The following FLT1 variants were observed in gnomAD, a reference collection of about 807,000 sequenced individuals.
The protein encoded by FLT1 is vascular endothelial growth factor receptor 1.
In FLT1, 49 loss-of-function variants were observed where a neutral mutation model predicts 156.3. That is an observed-to-expected ratio of 0.31 (90% CI 0.25 to 0.40). The LOEUF (loss-of-function observed/expected upper bound fraction) is 0.40, where lower values mean the gene tolerates loss of function less well. Ranked by LOEUF, FLT1 falls within the 10% of genes least tolerant of loss-of-function variation. FLT1 has a pLI of 1.00. For synonymous variants in FLT1, 594 were observed against 583.8 expected, an observed-to-expected ratio of 1.02 and a Z score of -0.25; for missense variants, 1,322 against 1,637.2, an observed-to-expected ratio of 0.81 and a Z score of 3.32.
chr13:28,484,321 G>C (rs368302309), intron 1 of FLT1, among the ~76,000 whole-genome samples: 1 of 152,212 alleles, frequency 6.6e-6, no homozygotes, highest in African/African-American at 2.4e-5. Context: ...ATCTGTGAGA[G>C]GGCAGTCCCA....
At chr13:28,419,754 C>T (rs1254621232) in intron 10 of FLT1, among the ~76,000 whole-genome samples, 1 of 152,226 alleles carries the variant, frequency 6.6e-6, no homozygotes, top group African/African-American at 2.4e-5. Context: ...TGGCACGCGC[C>T]TGTAGTCCCA....
chr13:28,382,216 T>C (rs992327796), intron 14 of FLT1, among the ~76,000 whole-genome samples: 1 of 152,078 alleles, frequency 6.6e-6, no homozygotes, highest in East Asian at 1.9e-4. Flanking sequence ...TAAGGCCTAG[T>C]TGGAGAGAGA....
intron 29 of FLT1, among the ~76,000 whole-genome samples, chr13:28,306,169 T>A (rs1870740471): frequency 6.6e-6 from 1 of 152,180 alleles, no homozygotes; most frequent in Non-Finnish European, 1.5e-5. Context: ...GCTGGTGGAC[T>A]ACAAGCCAGG....
intron 14 of FLT1, among the ~76,000 whole-genome samples, chr13:28,364,952 T>G (rs1873236761): frequency 6.6e-6 from 1 of 152,192 alleles, no homozygotes; most frequent in Non-Finnish European, 1.5e-5. Context: ...TACTTCAGAT[T>G]TTGCTTGTCA....
chr13:28,401,743 GGGGTGTGTGT>G (rs1875451193), intron 11 of FLT1, among the ~76,000 whole-genome samples: 1 of 152,154 alleles, frequency 6.6e-6, no homozygotes, highest in Non-Finnish European at 1.5e-5. Context: ...AGAAAAAATT[GGGGTGTGTGT>G]GGGAACTGAA....
chr13:28,452,023 A>G (rs1232410311), intron 3 of FLT1, among the ~76,000 whole-genome samples: 1 of 152,180 alleles, frequency 6.6e-6, no homozygotes, highest in Non-Finnish European at 1.5e-5. Context: ...AAAGATAAGT[A>G]GGAAATGAAA....
At chr13:28,381,778 A>C (rs947229771) in intron 14 of FLT1, among the ~76,000 whole-genome samples, 2 of 152,262 alleles carry the variant, frequency 1.3e-5, no homozygotes, top group East Asian at 3.9e-4. Flanking sequence ...TGTTAGACTA[A>C]AGATACTCTA....
chr13:28,372,017 T>C (rs543058159), intron 14 of FLT1, among the ~76,000 whole-genome samples: 62 of 127,342 alleles, frequency 4.9e-4, no homozygotes, highest in African/African-American at 1.7e-3. Context: ...GAATAAATCA[T>C]TGGTGTGTGT....
At chr13:28,478,211 C>T (rs1235650849) in intron 1 of FLT1, among the ~76,000 whole-genome samples, 1 of 152,168 alleles carries the variant, frequency 6.6e-6, no homozygotes, top group Non-Finnish European at 1.5e-5. Context: ...CCAAAGGCAT[C>T]CTCCGTGTTC....
chr13:28,318,996 T>C (rs1439769115), intron 24 of FLT1, among the ~76,000 whole-genome samples: 3 of 152,212 alleles, frequency 2.0e-5, no homozygotes, highest in Non-Finnish European at 1.5e-5. Flanking sequence ...AACACCTTCC[T>C]CGCTGGGGCA....
At chr13:28,372,076 ATTTTTTTTT>A (rs56114428) in intron 14 of FLT1, among the ~76,000 whole-genome samples, 3 of 11,760 alleles carry the variant, frequency 2.6e-4, no homozygotes, top group Admixed American at 8.3e-4. Flanking sequence ...ATATATATAT[ATTTTTTTTT>A]TTTTTTTTTT....
intron 10 of FLT1, among the ~76,000 whole-genome samples, chr13:28,417,456 G>A (rs534889626): frequency 1.2e-3 from 187 of 152,150 alleles, no homozygotes; most frequent in African/African-American, 3.6e-3. Flanking sequence ...ACCCATGGTC[G>A]GCTCGTTTGG....
At chr13:28,427,973 A>C in intron 8 of FLT1, 52 bp from the exon 9 acceptor site, 2 of 1,470,172 alleles carry the variant, frequency 1.4e-6, no homozygotes, top group Middle Eastern at 1.7e-4. Flanking sequence ...TCTCAATATC[A>C]CTTTGATAAC....
In FLT1 at chr13:28,467,093, C is replaced by G. The variant is rs1314880424; in HGVS notation, c.198G>C (p.Met66Ile). The G allele has an allele frequency of 1.2e-6, 2 of 1,614,026 alleles. No homozygotes were observed. Among genetic ancestry groups the G allele is most frequent in the South Asian group, 1.1e-5 (1 of 91,074 alleles). Residue 66 changes from methionine to isoleucine, a missense_variant, in exon 3 of 30, where the codon ATG becomes ATC. Around this residue, in one of 3 missense-constraint regions of FLT1, gnomAD observed 991 missense variants for 1,254.8 expected, o/e 0.79. Transcript: ENST00000282397. ...TCAGCCTTTCGCTTTCCTTACTCAC[C>G]ATTTCAGGCAAAGACCATTTATGGG... ...EAAHKWSLPE[M>I]VSKESERLSI...
chr13:28,303,351 T>C lies in FLT1; in HGVS notation c.3833A>G (p.Lys1278Arg). Residue 1278 changes from lysine to arginine, a missense_variant, in exon 30 of 30, where the codon AAA becomes AGA. Around this residue, in one of 3 missense-constraint regions of FLT1, gnomAD observed 329 missense variants for 366.2 expected, o/e 0.90. Coordinates refer to ENST00000282397, the MANE Select transcript of FLT1 (RefSeq NM_002019.4). ...SLKIDLRVTS[K>R]SKESGLSDVS... ...ATCAGACAGCCCCGACTCCTTACTTTTACTGGTTACTCTCAAGCTAAAGAA... is the reference window on the plus strand; with the variant it reads ...ATCAGACAGCCCCGACTCCTTACTTCTACTGGTTACTCTCAAGCTAAAGAA... 1.2e-6 allele frequency: 2 copies of C among 1,614,028 alleles called. No homozygotes were observed. Among genetic ancestry groups the C allele is most frequent in the Non-Finnish European group, 1.7e-6 (2 of 1,179,978 alleles).
intron 1 of FLT1, among the ~76,000 whole-genome samples, chr13:28,493,223 T>G (rs1218845522): frequency 6.6e-6 from 1 of 152,238 alleles, no homozygotes; most frequent in Admixed American, 6.5e-5. Flanking sequence ...TACATAATAG[T>G]CGAGTGAGGT....
intron 13 of FLT1, chr13:28,387,194 A>G (rs1874414208): frequency 1.9e-6 from 2 of 1,037,126 alleles, no homozygotes; most frequent in Non-Finnish European, 2.3e-6. Flanking sequence ...GGGACTCTCA[A>G]TTAAATACAA....
At chr13:28,398,512 G>C (rs1487628121) in intron 11 of FLT1, among the ~76,000 whole-genome samples, 1 of 152,172 alleles carries the variant, frequency 6.6e-6, no homozygotes, top group Non-Finnish European at 1.5e-5. Flanking sequence ...CTACAGATCA[G>C]GAAGACTTAA....
At position 28,365,545 on chromosome 13, in the gene FLT1, T is replaced by C. The variant is rs187848534; in HGVS notation, c.2117-7860A>G. 3.5e-3 allele frequency among the ~76,000 whole-genome samples: 528 copies of C among 152,224 alleles called. 3 individuals are homozygous for C. Among genetic ancestry groups the C allele is most frequent in the Admixed American group, 0.022 (334 of 15,278 alleles). ...TTTTGTATTTTTAGTAGAGATGGGGTTCCACCATGTTGGCCAGGCTGGTCT... is the reference window on the plus strand; with the variant it reads ...TTTTGTATTTTTAGTAGAGATGGGGCTCCACCATGTTGGCCAGGCTGGTCT... On this transcript the variant is annotated intron_variant, in intron 14 of 29. Coordinates refer to ENST00000282397, the MANE Select transcript of FLT1 (RefSeq NM_002019.4).
Sources: allele counts gnomAD v4.1 joint callset (sites outside exome capture counted in the v4.1 genomes callset), GRCh38; gene constraint gnomAD v4.1.1; regional missense constraint gnomAD v4.1.1; transcripts MANE v1.5; gene names NCBI Gene and HGNC (gene_info 2026-07-23, HGNC 2026-07-21).